The following ZNF124 variants were observed in gnomAD, a reference collection of about 807,000 sequenced individuals.
ZNF124 encodes zinc finger protein HZF-16.
A neutral mutation model predicts 26.6 loss-of-function variants in ZNF124; 25 were observed. The ratio of observed to expected loss-of-function variants is 0.94; its 90% CI spans 0.68 to 1.31. ZNF124 has a LOEUF of 1.31. Ranked by LOEUF, ZNF124 falls within the 40% of genes most tolerant of loss-of-function variation. ZNF124 has a pLI of 0.00. For synonymous variants in ZNF124, 129 were observed against 133.3 expected (o/e 0.97, Z 0.22); for missense variants, 444 against 422.2 (o/e 1.05, Z -0.45).
downstream of ZNF124, among the ~76,000 whole-genome samples, chr1:247,151,608 A>G (rs1441585484): frequency 6.6e-6 from 1 of 152,224 alleles, no homozygotes; most frequent in East Asian, 1.9e-4. Flanking sequence ...AATATCACCT[A>G]CAGCTGAAGA....
At chr1:247,132,342 G>GA (rs945822753) in intron 3 of ZNF124, among the ~76,000 whole-genome samples, 13 of 152,250 alleles carry the variant, frequency 8.5e-5, no homozygotes, top group Non-Finnish European at 1.8e-4. Flanking sequence ...AAGAATCAAT[G>GA]AAAAAATGCT....
At chr1:247,153,006 A>G (rs1572077083), downstream of ZNF124, among the ~76,000 whole-genome samples, 2 of 152,092 alleles carry the variant, frequency 1.3e-5, no homozygotes, top group East Asian at 3.9e-4. Flanking sequence ...GCTGACGGGC[A>G]CCTGTAGTTC....
In ZNF124 at chr1:247,144,514, A is replaced by T. The variant is rs188506295; in HGVS notation, c.218+14492T>A. On this transcript the variant is annotated intron_variant, in intron 3 of 3. Transcript: ENST00000472531. ...TGCTACCGAGCCCCTGTCAAGCTGA[A>T]TCCTAACCCAAGGAGGACTGAGGGC... 4.6e-5 allele frequency among the ~76,000 whole-genome samples: 7 copies of T among 152,254 alleles called. No homozygotes were observed. The East Asian group carries it at 1.4e-3, about 30-fold the overall frequency.
chr1:247,157,825 A>G (rs1037990421), intron 3 of ZNF124, among the ~76,000 whole-genome samples: 2 of 152,014 alleles, frequency 1.3e-5, no homozygotes, highest in Admixed American at 1.3e-4. Context: ...CTGAAATTTG[A>G]TCCTCATGTT....
intron 3 of ZNF124, among the ~76,000 whole-genome samples, chr1:247,127,547 A>C (rs986954569): frequency 3.7e-4 from 49 of 133,912 alleles, no homozygotes; most frequent in African/African-American, 1.3e-3. Context: ...ATCCACAGGC[A>C]GACAGCCCGG....
At chr1:247,146,822 AAG>A (rs1364791861) in intron 3 of ZNF124, among the ~76,000 whole-genome samples, 3 of 152,160 alleles carry the variant, frequency 2.0e-5, no homozygotes, top group Non-Finnish European at 4.4e-5. Flanking sequence ...TTCACTCCCA[AAG>A]AGACAGGAGT....
rs1389701957 is a variant in ZNF124, at chr1:247,162,438, G to GA, written c.31-2626dup. ...AAATCTACAACACAAATGGAAAACA[G>GA]AAAAAAGTAAATCTAGGAGCAATAG... On this transcript the variant is annotated intron_variant, in intron 1 of 3. Coordinates refer to ENST00000543802, the MANE Select transcript of ZNF124 (RefSeq NM_001297568.2). Among the ~76,000 whole-genome samples, 3 of 151,852 alleles carry GA rather than the reference G, an allele frequency of 2.0e-5. No individual in the cohort carries two copies. In the East Asian group the frequency reaches 5.8e-4, roughly 29 times the overall value.
intron 3 of ZNF124, among the ~76,000 whole-genome samples, chr1:247,144,780 CTT>C (rs5782417): frequency 4.8e-5 from 7 of 145,032 alleles, no homozygotes; most frequent in Admixed American, 1.4e-4. Context: ...TTCTTTCTTT[CTT>C]TTTTTTTTTT....
chr1:247,157,512 T>C (rs954464086), intron 3 of ZNF124, 109 bp from the exon 4 acceptor site: 6 of 986,574 alleles, frequency 6.1e-6, no homozygotes, highest in Non-Finnish European at 9.4e-6. Flanking sequence ...CATCTGGAGG[T>C]TTTTCTACAC....
At chr1:247,134,978 A>C (rs891888354) in intron 3 of ZNF124, among the ~76,000 whole-genome samples, 2 of 152,222 alleles carry the variant, frequency 1.3e-5, no homozygotes, top group Non-Finnish European at 2.9e-5. Flanking sequence ...GAAATCAAAA[A>C]ACCTGCTCCT....
chr1:247,149,202 T>A (rs1367567427), intron 3 of ZNF124, among the ~76,000 whole-genome samples: 1 of 152,138 alleles, frequency 6.6e-6, no homozygotes, highest in African/African-American at 2.4e-5. Context: ...AAGTGAGAGA[T>A]CCATGAAGAA....
intron 1 of ZNF124, among the ~76,000 whole-genome samples, chr1:247,163,798 C>A (rs912227601): frequency 2.0e-5 from 3 of 152,154 alleles, no homozygotes; most frequent in Non-Finnish European, 4.4e-5. Context: ...CCAGCGTCAT[C>A]CTGGCAGGCA....
At chr1:247,167,637 C>T (rs537622050) in intron 1 of ZNF124, among the ~76,000 whole-genome samples, 1 of 152,136 alleles carries the variant, frequency 6.6e-6, no homozygotes, top group South Asian at 2.1e-4. Flanking sequence ...ATCAAAAAAA[C>T]TCTTCTAAAC....
intron 3 of ZNF124, among the ~76,000 whole-genome samples, chr1:247,134,102 A>AGCTGCAAG (rs1357567089): frequency 6.6e-6 from 1 of 152,228 alleles, no homozygotes; most frequent in African/African-American, 2.4e-5. Flanking sequence ...CTCCTGAAAG[A>AGCTGCAAG]AGCACTAAAT....
intron 3 of ZNF124, among the ~76,000 whole-genome samples, chr1:247,131,048 C>T (rs1672349192): frequency 6.6e-6 from 1 of 152,232 alleles, no homozygotes; most frequent in South Asian, 2.1e-4. Context: ...TGCACCCCAA[C>T]CTGGGCGACA....
chr1:247,162,524 G>GC (rs1178441814), intron 1 of ZNF124, among the ~76,000 whole-genome samples: 40 of 149,774 alleles, frequency 2.7e-4, no homozygotes, highest in African/African-American at 9.6e-4. Context: ...GTAAGTACAC[G>GC]CTATTATGTT....
Position 247,145,433 on chromosome 1 carries a change from G to C in ZNF124, c.218+13573C>G, listed in dbSNP as rs1045728947. On this transcript the variant is annotated intron_variant, in intron 3 of 3. Transcript: ENST00000472531. ...CAAGGTATTAACAATACCTTCCAAA[G>C]TGAGTCAAAAGGTCGGTGAAGTCAT... 3.3e-5 allele frequency among the ~76,000 whole-genome samples: 5 copies of C among 152,108 alleles called. No individual in the cohort carries two copies. In the East Asian group the frequency reaches 9.6e-4, roughly 29 times the overall value.
chr1:247,163,471 TAAA>T (rs564852380), intron 1 of ZNF124, among the ~76,000 whole-genome samples: 1 of 133,310 alleles, frequency 7.5e-6, no homozygotes. Context: ...TCACAGAAAC[TAAA>T]AAAAAAAAAA....
chr1:247,152,921 CAGG>C (rs2103114579), downstream of ZNF124, among the ~76,000 whole-genome samples: 1 of 152,216 alleles, frequency 6.6e-6, no homozygotes, highest in African/African-American at 2.4e-5. Context: ...ATCACGAGGT[CAGG>C]AGATCAAGAC....
Sources: gnomAD v4.1 joint callset for allele counts (sites outside exome capture counted in the v4.1 genomes callset) on GRCh38, gnomAD v4.1.1 for gene constraint, MANE v1.5 for transcripts, NCBI Gene and HGNC (gene_info 2026-07-23, HGNC 2026-07-21) for gene names.